TSHZ3: variants seen among roughly 807,000 people sequenced by gnomAD.
TSHZ3 encodes teashirt zinc finger homeobox 3, also known as teashirt homolog 3.
TSHZ3 carries 10 observed loss-of-function variants against 64.5 expected under a neutral mutation model. The observed-to-expected ratio is 0.16, with a 90% CI of 0.10 to 0.26. The LOEUF (loss-of-function observed/expected upper bound fraction) is 0.26. Among genes scored for constraint, TSHZ3 ranks in the 10% least tolerant of loss-of-function variants. TSHZ3 has a pLI of 1.00. For synonymous variants in TSHZ3, 608 were observed against 593.1 expected, an observed-to-expected ratio of 1.03 and a Z score of -0.36; for missense variants, 1,242 against 1,421.7, an observed-to-expected ratio of 0.87 and a Z score of 2.03.
At chr19:31,177,327 G>A (rs56101870) in intron 5 of TSHZ3, among the ~76,000 whole-genome samples, 1 of 152,226 alleles carries the variant, frequency 6.6e-6, no homozygotes, top group Non-Finnish European at 1.5e-5. Flanking sequence ...AGCTGCAGGA[G>A]AGACATGATA....
chr19:31,212,237 C>T (rs1975266567), intron 4 of TSHZ3, among the ~76,000 whole-genome samples: 1 of 152,118 alleles, frequency 6.6e-6, no homozygotes, highest in African/African-American at 2.4e-5. Flanking sequence ...AGGAGAATTA[C>T]TTGAGGTCAG....
intron 5 of TSHZ3, among the ~76,000 whole-genome samples, chr19:31,204,498 A>C (rs1362394103): frequency 6.6e-6 from 1 of 152,094 alleles, no homozygotes; most frequent in African/African-American, 2.4e-5. Context: ...TATGTAAATT[A>C]AATTTGTCAA....
chr19:31,187,168 A>G (rs911759092), intron 5 of TSHZ3, among the ~76,000 whole-genome samples: 2 of 152,098 alleles, frequency 1.3e-5, no homozygotes, highest in African/African-American at 4.8e-5. Flanking sequence ...CATGCTCCCC[A>G]CCCATAACCC....
chr19:31,297,542 T>A (rs1342094674), intron 1 of TSHZ3, among the ~76,000 whole-genome samples: 3 of 152,194 alleles, frequency 2.0e-5, no homozygotes, highest in Non-Finnish European at 4.4e-5. Context: ...TGTGGTGTGA[T>A]CATGGCTCAC....
intron 1 of TSHZ3, among the ~76,000 whole-genome samples, chr19:31,303,268 C>G (rs1976783691): frequency 6.6e-6 from 1 of 152,180 alleles, no homozygotes; most frequent in South Asian, 2.1e-4. Context: ...GAGCTGCTGA[C>G]CCGCAGGCCT....
chr19:31,336,957 T>C (rs1184792854), intron 1 of TSHZ3, among the ~76,000 whole-genome samples: 1 of 152,146 alleles, frequency 6.6e-6, no homozygotes, highest in Non-Finnish European at 1.5e-5. Context: ...TGCTTAAGTG[T>C]CTAGAAAAGA....
exon 7 of TSHZ3, among the ~76,000 whole-genome samples, chr19:31,150,109 T>A (rs991394839): frequency 4.6e-5 from 7 of 152,152 alleles, no homozygotes; most frequent in Non-Finnish European, 1.5e-5. Flanking sequence ...TCGTTTAATT[T>A]GGAAAACTTT....
chr19:31,175,347 T>C (rs918162878), intron 5 of TSHZ3, among the ~76,000 whole-genome samples: 4 of 152,258 alleles, frequency 2.6e-5, no homozygotes, highest in Non-Finnish European at 5.9e-5. Flanking sequence ...GTTATGTGCA[T>C]AAATCTTGCT....
intron 4 of TSHZ3, among the ~76,000 whole-genome samples, chr19:31,206,759 A>G (rs1020863628): frequency 1.3e-5 from 2 of 152,234 alleles, no homozygotes; most frequent in Admixed American, 6.5e-5. Context: ...TTCAATAAGC[A>G]TTAATTTAAC....
downstream of TSHZ3, among the ~76,000 whole-genome samples, chr19:31,271,935 G>A (rs1333450640): frequency 6.6e-6 from 1 of 152,078 alleles, no homozygotes; most frequent in Non-Finnish European, 1.5e-5. Flanking sequence ...GTTTTCAGTG[G>A]TATGATTGCT....
chr19:31,166,814 C>T (rs1374053338), intron 5 of TSHZ3, among the ~76,000 whole-genome samples: 2 of 152,236 alleles, frequency 1.3e-5, no homozygotes, highest in Admixed American at 6.5e-5. Flanking sequence ...CCCACAGGAG[C>T]TCACAAGCCA....
chr19:31,216,639 G>T (rs1975335901), intron 4 of TSHZ3, among the ~76,000 whole-genome samples: 1 of 150,444 alleles, frequency 6.6e-6, no homozygotes, highest in Non-Finnish European at 1.5e-5. Flanking sequence ...GTTTTGTTTT[G>T]TTTTGTTTTG....
At chr19:31,214,026 G>A (rs1024867034) in intron 4 of TSHZ3, among the ~76,000 whole-genome samples, 1 of 152,104 alleles carries the variant, frequency 6.6e-6, no homozygotes, top group Non-Finnish European at 1.5e-5. Context: ...GAGTGTGGCC[G>A]CCAGGCCATC....
intron 1 of TSHZ3, among the ~76,000 whole-genome samples, chr19:31,268,842 TC>T (rs1443948498): frequency 6.6e-6 from 1 of 151,962 alleles, no homozygotes; most frequent in Non-Finnish European, 1.5e-5. Flanking sequence ...TACGGCTGCC[TC>T]CCCGGGCAAA....
chr19:31,218,295 GTCCT>G (rs75994738), intron 4 of TSHZ3, among the ~76,000 whole-genome samples: 152,346 of 152,350 alleles, frequency 1, 76,171 homozygotes, highest in Middle Eastern at 1. Flanking sequence ...TATGTCATAT[GTCCT>G]ATGTCCTATG....
At chr19:31,198,781 GA>G (rs1476215041) in intron 5 of TSHZ3, among the ~76,000 whole-genome samples, 2 of 152,036 alleles carry the variant, frequency 1.3e-5, no homozygotes, top group African/African-American at 4.8e-5. Flanking sequence ...CTAAATCAAG[GA>G]AGGACTAAAT....
chr19:31,274,687 C>T (rs376002402), downstream of TSHZ3, among the ~76,000 whole-genome samples: 3 of 151,924 alleles, frequency 2.0e-5, no homozygotes, highest in East Asian at 5.8e-4. Flanking sequence ...AGCATCTAAC[C>T]TTATAGGCAT....
At chr19:31,303,268 C>A (rs1976783691) in intron 1 of TSHZ3, among the ~76,000 whole-genome samples, 5 of 152,180 alleles carry the variant, frequency 3.3e-5, no homozygotes, top group Admixed American at 3.3e-4. Context: ...GAGCTGCTGA[C>A]CCGCAGGCCT....
At position 31,318,521 on chromosome 19, in the gene TSHZ3, A is replaced by G. The variant is rs1392298663; in HGVS notation, c.40+30659T>C. Among the ~76,000 whole-genome samples, 5 of 152,334 alleles carry G rather than the reference A, an allele frequency of 3.3e-5. No homozygotes were observed. The East Asian group carries it at 9.6e-4, about 29-fold the overall frequency. ...AATGATAACAGTATAAAAGCATTAC[A>G]CTTCTCTAGACTGAGGATCATTAGC... On this transcript the variant is annotated intron_variant, in intron 1 of 1. Transcript: ENST00000240587.
Sources: gnomAD v4.1 joint callset for allele counts (sites outside exome capture counted in the v4.1 genomes callset) on GRCh38, gnomAD v4.1.1 for gene constraint, MANE v1.5 for transcripts, NCBI Gene and HGNC (gene_info 2026-07-23, HGNC 2026-07-21) for gene names.